The following PDE4A variants were observed in gnomAD, a reference collection of about 807,000 sequenced individuals.
PDE4A encodes the protein phosphodiesterase 4A, also known as 3',5'-cyclic-AMP phosphodiesterase 4A.
A neutral mutation model predicts 73.9 loss-of-function variants in PDE4A; 21 were observed. That is an observed-to-expected ratio of 0.28 (90% CI 0.20 to 0.41). PDE4A has a LOEUF of 0.41. Among genes scored for constraint, PDE4A ranks in the 10% least tolerant of loss-of-function variants. The pLI is 1.00. For missense variants in PDE4A, 958 were observed against 1,211.4 expected (o/e 0.79, Z 3.10); for synonymous variants, 463 against 505.4 (o/e 0.92, Z 1.13).
At chr19:10,416,949 A>C (rs2042593796), upstream of PDE4A, 1 of 1,544,182 alleles carries the variant, frequency 6.5e-7, no homozygotes, top group East Asian at 2.4e-5. Context: ...CGAGATGAAG[A>C]GGAGTCGCAG....
At chr19:10,417,308 C>T (rs550740084), upstream of PDE4A, 15 of 984,940 alleles carry the variant, frequency 1.5e-5, no homozygotes, top group East Asian at 4.5e-4. Flanking sequence ...GGGGCATTGA[C>T]ATTAAGACCA....
chr19:10,421,782 T>C (rs77376335), intron 1 of PDE4A, among the ~76,000 whole-genome samples: 10,053 of 152,168 alleles, frequency 0.066, 383 homozygotes, highest in Non-Finnish European at 0.088. Flanking sequence ...ACTGCAGAGG[T>C]GACAGCATAG....
intron 1 of PDE4A, among the ~76,000 whole-genome samples, chr19:10,435,294 G>A (rs1344880707): frequency 6.6e-6 from 1 of 152,074 alleles, no homozygotes; most frequent in African/African-American, 2.4e-5. Flanking sequence ...CAGTGGTCAT[G>A]CCTATAAACC....
At chr19:10,443,784 A>G (rs1032271595) in intron 1 of PDE4A, among the ~76,000 whole-genome samples, 2 of 151,888 alleles carry the variant, frequency 1.3e-5, no homozygotes, top group Non-Finnish European at 2.9e-5. Flanking sequence ...AGGTGGGTGG[A>G]TTACTTGAGG....
rs548617733 is a variant in PDE4A, at chr19:10,427,709, C to T, written c.320+6625C>T. ...ATTGGGAGACCCTAGCCAAGTCACT[C>T]CTCTCTGGGCCTTGGCTTCCCCGTC... is the stretch of plus-strand genomic sequence containing the variant. On this transcript the variant is annotated intron_variant, in intron 1 of 14. Coordinates refer to ENST00000380702, the MANE Select transcript of PDE4A (RefSeq NM_001111307.2). 5.2e-5 allele frequency: 49 copies of T among 934,580 alleles called. No homozygotes were observed. In the South Asian group the frequency reaches 1.3e-3, roughly 24 times the overall value. The allele number at this position is 934,580 out of a possible 1,614,324, so 57.9% of individuals were successfully genotyped here.
At chr19:10,455,023 T>A in intron 7 of PDE4A, 101 bp downstream of exon 7, 1 of 1,122,156 alleles carries the variant, frequency 8.9e-7, no homozygotes, top group Non-Finnish European at 1.3e-6. Flanking sequence ...TCCCAGGGAC[T>A]CTGACTCTCA....
At chr19:10,432,607 A>G (rs2042810636) in intron 1 of PDE4A, 2 of 1,499,692 alleles carry the variant, frequency 1.3e-6, no homozygotes, top group South Asian at 2.5e-5. Flanking sequence ...CTCTCTTTTA[A>G]TACTGAAGGG....
intron 1 of PDE4A, chr19:10,432,593 A>G (rs1250259585): frequency 8.0e-6 from 12 of 1,507,444 alleles, no homozygotes; most frequent in Non-Finnish European, 1.1e-5. Context: ...GTGGCCAGTC[A>G]GTCCTCTCTT....
chr19:10,457,123 G>A (rs1019393294), intron 7 of PDE4A, among the ~76,000 whole-genome samples: 4 of 152,078 alleles, frequency 2.6e-5, no homozygotes, highest in Non-Finnish European at 5.9e-5. Flanking sequence ...GCTTGAACCC[G>A]GGAGGTGGAG....
intron 1 of PDE4A, chr19:10,431,103 TG>T: frequency 6.7e-7 from 1 of 1,484,158 alleles, no homozygotes. Flanking sequence ...GCAGCGCTGG[TG>T]GCCGTGGGTT....
intron 8 of PDE4A, 97 bp from the exon 9 acceptor site, chr19:10,459,303 G>A: frequency 1.9e-6 from 3 of 1,580,068 alleles, no homozygotes; most frequent in Non-Finnish European, 2.6e-6. Flanking sequence ...GAGCAATAAT[G>A]GTGCTTCCTT....
At position 10,420,555 on chromosome 19, in the gene PDE4A, G is replaced by A; in HGVS notation, c.-210G>A. 1 of 1,219,314 alleles carries A rather than the reference G, an allele frequency of 8.2e-7. No homozygotes were observed. The highest frequency in any genetic ancestry group is 1.0e-6 in the Non-Finnish European group (1 of 977,532). 75.5% of individuals were successfully genotyped at this position (1,219,314 alleles called of 1,614,324 possible). A position where few individuals can be genotyped will look rare whatever the true frequency, so the allele number is the denominator to read the frequency against. On this transcript the variant is annotated 5_prime_UTR_variant, in exon 1 of 15. Coordinates refer to ENST00000380702, the MANE Select transcript of PDE4A (RefSeq NM_001111307.2). This position sits in a 1 kb window ranked among gnomAD's most constrained non-coding sequence, Gnocchi z 6.0. Reference sequence around the variant, plus strand: ...AGCGCGGAGAGCGCCGCCGGGCACTGAGCAGAGCTCCAGGCGCCGAAAGGA... The same window carrying A: ...AGCGCGGAGAGCGCCGCCGGGCACTAAGCAGAGCTCCAGGCGCCGAAAGGA...
At chr19:10,419,056 C>CTTTTTTTT, upstream of PDE4A, 4 of 816,830 alleles carry the variant, frequency 4.9e-6, no homozygotes, top group Non-Finnish European at 5.5e-6. Flanking sequence ...GACCGGCAGT[C>CTTTTTTTT]TTTTTTTTTT....
intron 2 of PDE4A, among the ~76,000 whole-genome samples, chr19:10,447,580 A>T (rs1019349859): frequency 6.6e-6 from 1 of 151,182 alleles, no homozygotes; most frequent in African/African-American, 2.4e-5. Flanking sequence ...TGTTGCCTAG[A>T]CTGGTCTCAA....
intron 6 of PDE4A, among the ~76,000 whole-genome samples, chr19:10,454,378 C>T (rs994109488): frequency 1.6e-4 from 24 of 152,208 alleles, no homozygotes; most frequent in Non-Finnish European, 2.6e-4. Flanking sequence ...AGGGGCAGCT[C>T]TAGGAAGGCA....
intron 2 of PDE4A, among the ~76,000 whole-genome samples, chr19:10,446,900 C>CCTTTTTTTCTCTTTT (rs1206812598): frequency 6.7e-6 from 1 of 149,158 alleles, no homozygotes; most frequent in Non-Finnish European, 1.5e-5. Context: ...GGCCTCAGTT[C>CCTTTTTTTCTCTTTT]CTTTTTTTTT....
chr19:10,467,916 AAAAG>A lies in PDE4A; in HGVS notation c.*303_*306del, dbSNP rs774973147. Reference sequence around the variant, plus strand: ...AGAAAAAGAACAAAAAAAGAAAAAAAAAAGAAAGAAACACAGCAACTGTAGATGC... The same window carrying A: ...AGAAAAAGAACAAAAAAAGAAAAAAAAAAGAAACACAGCAACTGTAGATGC... On this transcript the variant is annotated 3_prime_UTR_variant, in exon 15 of 15. Coordinates refer to ENST00000380702, the MANE Select transcript of PDE4A (RefSeq NM_001111307.2). 114 of 252,164 alleles carry A rather than the reference AAAAG, an allele frequency of 4.5e-4. 1 individual carries two copies. The highest frequency in any genetic ancestry group is 1.2e-3 in the Middle Eastern group (1 of 854). The allele number at this position is 252,164 out of a possible 1,614,324, so 15.6% of individuals were successfully genotyped here. A position where few individuals can be genotyped will look rare whatever the true frequency, so the allele number is the denominator to read the frequency against.
Position 10,454,960 on chromosome 19 carries a change from A to T in PDE4A, c.877+38A>T, listed in dbSNP as rs201927837. 2.6e-4 allele frequency: 417 copies of T among 1,605,478 alleles called. No individual in the cohort carries two copies. The African/African-American group carries it at 5.0e-3, about 19-fold the overall frequency. Reference sequence around the variant, plus strand: ...AAGCACGTGGGATTGGAGGGGGGACATTTGGGGTAGAGAGGGGGCTGCCCC... The same window carrying T: ...AAGCACGTGGGATTGGAGGGGGGACTTTTGGGGTAGAGAGGGGGCTGCCCC... On this transcript the variant is annotated intron_variant, in intron 7 of 14. Coordinates refer to ENST00000380702, the MANE Select transcript of PDE4A (RefSeq NM_001111307.2).
chr19:10,453,960 T>C lies in PDE4A; in HGVS notation c.784-869T>C, dbSNP rs2043133328. On this transcript the variant is annotated intron_variant, in intron 6 of 14. Coordinates refer to ENST00000380702, the MANE Select transcript of PDE4A (RefSeq NM_001111307.2). The surrounding 1 kb of genome is among the most constrained non-coding windows in gnomAD (Gnocchi z 4.6). ...CACCCCTCCTGCCAAGTGTCCCTCC[T>C]GCTTCCCTGGACAGAGTCTGCTCCT... Among the ~76,000 whole-genome samples the C allele has an allele frequency of 6.6e-6, 1 of 152,130 alleles. No individual in the cohort carries two copies. The highest frequency in any genetic ancestry group is 1.5e-5 in the Non-Finnish European group (1 of 68,018).
Sources: allele counts gnomAD v4.1 joint callset (sites outside exome capture counted in the v4.1 genomes callset), GRCh38; gene constraint gnomAD v4.1.1; non-coding constraint Gnocchi (gnomAD v3.1); transcripts MANE v1.5; gene names NCBI Gene and HGNC (gene_info 2026-07-23, HGNC 2026-07-21).